Variants in AVEN observed in about 807,000 individuals in gnomAD.
AVEN encodes apoptosis and caspase activation inhibitor, also known as cell death regulator Aven.
AVEN carries 41 observed loss-of-function variants against 38.1 expected under a neutral mutation model. The ratio of observed to expected loss-of-function variants is 1.08; its 90% CI spans 0.84 to 1.40. AVEN has a LOEUF of 1.40. Among genes scored for constraint, AVEN ranks in the 40% most tolerant of loss-of-function variants. The pLI, the probability that AVEN is intolerant of heterozygous loss-of-function variation, is 0.00. For missense variants in AVEN, 605 were observed against 438.8 expected (o/e 1.38, Z -3.38); for synonymous variants, 206 against 171.8 (o/e 1.20, Z -1.56).
In AVEN at chr15:34,000,429, A is replaced by G. The variant is rs533824785; in HGVS notation, c.445+2603T>C. Reference sequence around the variant, plus strand: ...GGTCACAATTTAAAAGTCCAACAGTACTAGCTATTTGCAGAGATGACGAAC... The same window carrying G: ...GGTCACAATTTAAAAGTCCAACAGTGCTAGCTATTTGCAGAGATGACGAAC... On this transcript the variant is annotated intron_variant, in intron 2 of 5. Coordinates refer to ENST00000306730, the MANE Select transcript of AVEN (RefSeq NM_020371.3). Among the ~76,000 whole-genome samples, 9 of 152,334 alleles carry G rather than the reference A, an allele frequency of 5.9e-5. No individual in the cohort carries two copies. In the South Asian group the frequency reaches 1.0e-3, roughly 18 times the overall value.
At chr15:34,030,051 C>G (rs1446886989) in intron 1 of AVEN, among the ~76,000 whole-genome samples, 2 of 152,042 alleles carry the variant, frequency 1.3e-5, no homozygotes, top group Admixed American at 6.6e-5. Flanking sequence ...GTCAGGAGTT[C>G]GAGCCCAGCC....
At chr15:33,935,186 C>T (rs1033913327) in intron 2 of AVEN, among the ~76,000 whole-genome samples, 1 of 152,158 alleles carries the variant, frequency 6.6e-6, no homozygotes, top group African/African-American at 2.4e-5. Flanking sequence ...TCCTGAGACA[C>T]TTAATTGAAA....
chr15:34,049,888 CTTT>C (rs61235689), intron 5 of AVEN, among the ~76,000 whole-genome samples: 1 of 137,094 alleles, frequency 7.3e-6, no homozygotes. Flanking sequence ...TCAACATCAA[CTTT>C]TTTTTTTTTT....
rs746419966 is a variant in AVEN at position 33,867,710 on chromosome 15, A to T, written c.758T>A (p.Val253Glu). 1.2e-6 allele frequency: 2 copies of T among 1,614,014 alleles called. No homozygotes were observed. Among genetic ancestry groups the T allele is most frequent in the Non-Finnish European group, 1.7e-6 (2 of 1,180,028 alleles). The change falls in exon 5 of 6, where the codon GTG becomes GAG. Residue 253 changes from valine (V) to glutamate (E), a missense_variant. Coordinates refer to ENST00000306730, the MANE Select transcript of AVEN (RefSeq NM_020371.3). ...ELKSVAAGCP[V>E]LLGKDNPSPG... ...GCTTGGGTTGTCTTTGCCCAGCAACACAGGGCAGCCAGCAGCCACAGATTT... is the reference window on the plus strand; with the variant it reads ...GCTTGGGTTGTCTTTGCCCAGCAACTCAGGGCAGCCAGCAGCCACAGATTT...
At chr15:33,919,936 T>A (rs1441857596) in intron 2 of AVEN, among the ~76,000 whole-genome samples, 1 of 152,218 alleles carries the variant, frequency 6.6e-6, no homozygotes, top group African/African-American at 2.4e-5. Flanking sequence ...TACAATCTCC[T>A]ATGTCTTTGG....
At chr15:33,945,500 G>A (rs1325847561) in intron 2 of AVEN, among the ~76,000 whole-genome samples, 1 of 152,102 alleles carries the variant, frequency 6.6e-6, no homozygotes, top group African/African-American at 2.4e-5. Context: ...AACCTTTAAT[G>A]GTTCACAGAG....
intron 3 of AVEN, among the ~76,000 whole-genome samples, chr15:33,872,047 T>C (rs1890986164): frequency 6.6e-6 from 1 of 152,202 alleles, no homozygotes; most frequent in Non-Finnish European, 1.5e-5. Flanking sequence ...CACTTGGCAG[T>C]TGAAGTAGAG....
intron 5 of AVEN, chr15:34,062,712 A>G: frequency 6.3e-7 from 1 of 1,599,200 alleles, no homozygotes; most frequent in Non-Finnish European, 8.5e-7. Flanking sequence ...AAATTTTTGC[A>G]CCAGGATGGA....
At chr15:34,048,212 C>G (rs1399467349) in intron 5 of AVEN, among the ~76,000 whole-genome samples, 2 of 152,242 alleles carry the variant, frequency 1.3e-5, no homozygotes, top group Admixed American at 6.5e-5. Context: ...ATCCATTCCT[C>G]CTCACTGGGT....
At chr15:33,924,803 A>T (rs1310291408) in intron 2 of AVEN, among the ~76,000 whole-genome samples, 1 of 152,220 alleles carries the variant, frequency 6.6e-6, no homozygotes, top group East Asian at 1.9e-4. Context: ...TCAAGGACCC[A>T]TAATTGCTGG....
intron 5 of AVEN, among the ~76,000 whole-genome samples, chr15:34,045,755 C>T (rs1424935864): frequency 6.6e-6 from 1 of 152,076 alleles, no homozygotes; most frequent in Non-Finnish European, 1.5e-5. Context: ...TAGGAAAAGC[C>T]TCAAAAGTTG....
chr15:34,027,181 G>A lies in AVEN; in HGVS notation c.267+11599C>T, dbSNP rs75210915. The stretch of plus-strand genomic sequence containing the variant: ...AAACAGCTAAATCTCAGTATGAACA[G>A]TAACGTGCCCCATTCCCATTCCACT... On this transcript the variant is annotated intron_variant, in intron 1 of 5. Coordinates refer to ENST00000306730, the MANE Select transcript of AVEN (RefSeq NM_020371.3). Among the ~76,000 whole-genome samples, 596 of 152,208 alleles carry A rather than the reference G, an allele frequency of 3.9e-3. 22 individuals are homozygous for A. The East Asian group carries it at 0.078, about 20-fold the overall frequency.
At chr15:33,865,935 T>C (rs1053976598), downstream of AVEN, 1 of 152,692 alleles carries the variant, frequency 6.5e-6, no homozygotes, top group African/African-American at 2.4e-5. Context: ...TCAACTGCTG[T>C]TATTAGAAGA....
At chr15:34,038,722 T>C in intron 1 of AVEN, 58 bp downstream of exon 1, 1 of 1,125,186 alleles carries the variant, frequency 8.9e-7, no homozygotes, top group African/African-American at 1.7e-5. Flanking sequence ...ACTGGCGGCC[T>C]CGGCCCCACT....
downstream of AVEN, chr15:33,854,943 G>C (rs977219186): frequency 4.4e-6 from 7 of 1,587,394 alleles, no homozygotes; most frequent in Admixed American, 5.4e-5. Flanking sequence ...GAACAGAATG[G>C]ACCTGTATAT....
At chr15:33,880,183 G>T (rs1051222376) in intron 2 of AVEN, among the ~76,000 whole-genome samples, 1 of 152,044 alleles carries the variant, frequency 6.6e-6, no homozygotes, top group Non-Finnish European at 1.5e-5. Context: ...GAGGAACCAG[G>T]CGCCCCTACC....
intron 2 of AVEN, among the ~76,000 whole-genome samples, chr15:33,950,393 TTTGA>T (rs1330841754): frequency 2.0e-5 from 3 of 152,272 alleles, no homozygotes; most frequent in African/African-American, 4.8e-5. Flanking sequence ...GGTGTGTTAA[TTTGA>T]TTGGTGATCA....
At chr15:34,017,323 G>C (rs1478754386) in intron 1 of AVEN, among the ~76,000 whole-genome samples, 1 of 151,980 alleles carries the variant, frequency 6.6e-6, no homozygotes, top group African/African-American at 2.4e-5. Context: ...TCTCATCCCT[G>C]TTCCATAAAG....
chr15:33,964,294 T>G (rs1162063401), intron 2 of AVEN, among the ~76,000 whole-genome samples: 1 of 152,162 alleles, frequency 6.6e-6, no homozygotes, highest in Non-Finnish European at 1.5e-5. Context: ...CTCTAGTGGT[T>G]GTCTGCAGTT....
Sources: allele counts gnomAD v4.1 joint callset (sites outside exome capture counted in the v4.1 genomes callset), GRCh38; gene constraint gnomAD v4.1.1; transcripts MANE v1.5; gene names NCBI Gene and HGNC (gene_info 2026-07-23, HGNC 2026-07-21).